Variants in GTF2F1 observed in about 807,000 individuals in gnomAD.
The protein encoded by GTF2F1 is general transcription factor IIF subunit 1, also known as general transcription factor IIF 74 kDa subunit.
Under a neutral mutation model 63.5 loss-of-function variants are expected in GTF2F1, and 39 were observed. The ratio of observed to expected loss-of-function variants is 0.61; its 90% CI spans 0.48 to 0.80. The LOEUF (loss-of-function observed/expected upper bound fraction) is 0.80, where lower values mean the gene tolerates loss of function less well. GTF2F1 is among the 30% of genes least tolerant of loss of function. The pLI is 0.00. For missense variants in GTF2F1, 657 were observed against 718.3 expected (o/e 0.91, Z 0.97); for synonymous variants, 287 against 285.3 (o/e 1.01, Z -0.06).
intron 4 of GTF2F1, 64 bp from the exon 5 acceptor site, chr19:6,387,623 CGGG>C (rs2091978911): frequency 7.4e-7 from 1 of 1,346,908 alleles, no homozygotes; most frequent in Non-Finnish European, 1.0e-6. Context: ...CGTGTCCCCC[CGGG>C]GCCTGCCTCC....
intron 3 of GTF2F1, chr19:6,390,437 C>T (rs1442100046): frequency 6.8e-6 from 1 of 146,034 alleles, no homozygotes; most frequent in African/African-American, 2.5e-5. Context: ...ATCCCAGCTA[C>T]TTGGGAGGCT....
Position 6,381,188 on chromosome 19 carries a change from G to T in GTF2F1, c.1026C>A (p.Ser342Arg). 6.2e-7 allele frequency: 1 copy of T among 1,607,796 alleles called. No homozygotes were observed. The highest frequency in any genetic ancestry group is 8.5e-7 in the Non-Finnish European group (1 of 1,177,588). The part of the protein sequence containing the change: ...PQEKKRRKDS[S>R]EESDSSEESD... ...TCTCCTCTGAGCTGTCCGACTCCTC[G>T]CTGCTGTCTGCGGGGCACAGGAAAG... Residue 342 changes from serine to arginine, a missense_variant, in exon 10 of 13, where the codon AGC becomes AGA. Ser to Arg is a moderately radical substitution (Grantham distance 110). Coordinates refer to ENST00000394456, the MANE Select transcript of GTF2F1 (RefSeq NM_002096.3). This position sits in a 1 kb window ranked among gnomAD's most constrained non-coding sequence, Gnocchi z 4.1.
At chr19:6,392,749 T>A in intron 2 of GTF2F1, 108 bp downstream of exon 2, 1 of 1,094,234 alleles carries the variant, frequency 9.1e-7, no homozygotes, top group African/African-American at 1.5e-5. Context: ...TCTCTCCCGG[T>A]CTGGAGGGAG....
In GTF2F1 at chr19:6,380,816, T is replaced by A. The variant is rs2091944258; in HGVS notation, c.1231+88A>T. The A allele has an allele frequency of 1.3e-6, 2 of 1,502,328 alleles. No individual in the cohort carries two copies. Among genetic ancestry groups the A allele is most frequent in the Non-Finnish European group, 1.8e-6 (2 of 1,119,796 alleles). 93.1% of individuals were successfully genotyped at this position (1,502,328 alleles called of 1,614,324 possible). A position where few individuals can be genotyped will look rare whatever the true frequency, so the allele number is the denominator to read the frequency against. ...AGGGAGAGACAGGCCTCCACCCGCA[T>A]CTCCATCCCCTCTCTGTCCTGAGCC... is the stretch of plus-strand genomic sequence containing the variant. On this transcript the variant is annotated intron_variant, in intron 11 of 12. Transcript: ENST00000394456. The surrounding 1 kb of genome is among the most constrained non-coding windows in gnomAD (Gnocchi z 5.3).
In GTF2F1 at chr19:6,387,339, G is replaced by A. The variant is rs1055431073; in HGVS notation, c.497+50C>T. The A allele has an allele frequency of 3.8e-6, 6 of 1,560,962 alleles. No homozygotes were observed. The African/African-American group carries it at 8.1e-5, about 21-fold the overall frequency. ...GGCCTGGTGATATATCCATGGCAAGGCACCCCATTTCCCTCACTTCTGTCC... is the reference window on the plus strand; with the variant it reads ...GGCCTGGTGATATATCCATGGCAAGACACCCCATTTCCCTCACTTCTGTCC... On this transcript the variant is annotated intron_variant, in intron 5 of 12. Coordinates refer to ENST00000394456, the MANE Select transcript of GTF2F1 (RefSeq NM_002096.3).
chr19:6,391,138 C>T (rs1034651842), intron 3 of GTF2F1, among the ~76,000 whole-genome samples: 1 of 152,158 alleles, frequency 6.6e-6, no homozygotes, highest in African/African-American at 2.4e-5. Context: ...CCTTGGTCTC[C>T]GTTTATTTGC....
intron 2 of GTF2F1, 27 bp downstream of exon 2, chr19:6,392,830 G>T (rs772346559): frequency 1.1e-5 from 18 of 1,603,874 alleles, no homozygotes; most frequent in Middle Eastern, 1.6e-4. Flanking sequence ...GGGTGGAGAG[G>T]AGTGGGAGAT....
chr19:6,380,748 G>A lies in GTF2F1; in HGVS notation c.1232-58C>T. On this transcript the variant is annotated intron_variant, in intron 11 of 12. Coordinates refer to ENST00000394456, the MANE Select transcript of GTF2F1 (RefSeq NM_002096.3). The surrounding 1 kb of genome is among the most constrained non-coding windows in gnomAD (Gnocchi z 5.3). ...GGCAGGAGGCAGAACCCCTGGGCAG[G>A]ACCCCAGGCTGGGCAGTGCCAGGAT... 2 of 1,573,316 alleles carry A rather than the reference G, an allele frequency of 1.3e-6. No homozygotes were observed. The highest frequency in any genetic ancestry group is 1.7e-6 in the Non-Finnish European group (2 of 1,154,896).
intron 3 of GTF2F1, among the ~76,000 whole-genome samples, chr19:6,391,682 G>C (rs1456608945): frequency 6.6e-6 from 1 of 151,930 alleles, no homozygotes; most frequent in African/African-American, 2.4e-5. Context: ...CAAACTCCTG[G>C]CCTTAAGCAA....
In GTF2F1 at chr19:6,383,240, T is replaced by C. The variant is rs1032940568; in HGVS notation, c.682+71A>G. The C allele has an allele frequency of 4.0e-5, 60 of 1,501,634 alleles. No homozygotes were observed. The highest frequency in any genetic ancestry group is 5.0e-5 in the Non-Finnish European group (54 of 1,090,608). 93.0% of individuals were successfully genotyped at this position (1,501,634 alleles called of 1,614,324 possible). ...ATTCTAGGGCCACTGTGAGCGATGG[T>C]AGACTTTGCCTTCACTGGCACTGCC... On this transcript the variant is annotated intron_variant, in intron 6 of 12. Coordinates refer to ENST00000394456, the MANE Select transcript of GTF2F1 (RefSeq NM_002096.3). The surrounding 1 kb of genome is among the most constrained non-coding windows in gnomAD (Gnocchi z 4.5).
At chr19:6,391,356 C>G (rs185962547) in intron 3 of GTF2F1, among the ~76,000 whole-genome samples, 1 of 151,982 alleles carries the variant, frequency 6.6e-6, no homozygotes, top group Admixed American at 6.6e-5. Flanking sequence ...AAATGTTCTC[C>G]TTTAAGGAGA....
Position 6,383,582 on chromosome 19 carries a change from C to A in GTF2F1, c.498-87G>T. The stretch of plus-strand genomic sequence containing the variant: ...AGGGGGCGAGCCCCAGGGCACCACC[C>A]ACATAGCCTTCAAGGTGATGTGGCC... On this transcript the variant is annotated intron_variant, in intron 5 of 12. Coordinates refer to ENST00000394456, the MANE Select transcript of GTF2F1 (RefSeq NM_002096.3). This position sits in a 1 kb window ranked among gnomAD's most constrained non-coding sequence, Gnocchi z 4.5. 1 of 1,417,274 alleles carries A rather than the reference C, an allele frequency of 7.1e-7. No individual in the cohort carries two copies. Among genetic ancestry groups the A allele is most frequent in the Non-Finnish European group, 9.7e-7 (1 of 1,025,748 alleles). The allele number at this position is 1,417,274 out of a possible 1,614,324, so 87.8% of individuals were successfully genotyped here. A position where few individuals can be genotyped will look rare whatever the true frequency, so the allele number is the denominator to read the frequency against.
In GTF2F1 at chr19:6,381,952, G is replaced by C; in HGVS notation, c.683-102C>G. 7.1e-6 allele frequency: 7 copies of C among 982,360 alleles called. No homozygotes were observed. The Admixed American group carries it at 1.4e-4, about 19-fold the overall frequency. 60.9% of individuals were successfully genotyped at this position (982,360 alleles called of 1,614,324 possible). ...TTGTGCAGTTTTGACATCCTGGGGG[G>C]CCTCACTGACTGGGGAGACTACACC... On this transcript the variant is annotated intron_variant, in intron 6 of 12. Coordinates refer to ENST00000394456, the MANE Select transcript of GTF2F1 (RefSeq NM_002096.3). This position sits in a 1 kb window ranked among gnomAD's most constrained non-coding sequence, Gnocchi z 4.1.
At chr19:6,390,257 GA>G (rs1033701177) in intron 3 of GTF2F1, 3 of 149,114 alleles carry the variant, frequency 2.0e-5, no homozygotes, top group Admixed American at 6.7e-5. Context: ...TCTGTCTTAA[GA>G]AAAAAAAGGC....
rs368899356 is a variant in GTF2F1 at position 6,392,906 on chromosome 19, G to A, written c.13-3C>T. On this transcript the variant is annotated splice_region_variant and splice_polypyrimidine_tract_variant and intron_variant, in intron 1 of 12. Coordinates refer to ENST00000394456, the MANE Select transcript of GTF2F1 (RefSeq NM_002096.3). Reference sequence around the variant, plus strand: ...GTGACATTCTGGCTGCTAGGGCCCTGCGGAAAGAGGAAGCGGTGAGTGAGG... The same window carrying A: ...GTGACATTCTGGCTGCTAGGGCCCTACGGAAAGAGGAAGCGGTGAGTGAGG... 6.2e-7 allele frequency: 1 copy of A among 1,614,180 alleles called. No individual in the cohort carries two copies. Among genetic ancestry groups the A allele is most frequent in the South Asian group, 1.1e-5 (1 of 91,086 alleles).
intron 5 of GTF2F1, among the ~76,000 whole-genome samples, chr19:6,385,948 C>T (rs866441682): frequency 6.6e-6 from 1 of 152,132 alleles, no homozygotes; most frequent in South Asian, 2.1e-4. Context: ...TGGTGGCAGG[C>T]GCCTGTAGTC....
Position 6,383,054 on chromosome 19 carries a change from A to T in GTF2F1, c.682+257T>A, listed in dbSNP as rs1055975737. ...GTAGCTGGCACTAGAGGCATGCACC[A>T]CCATGCCCAGCTAATTTTTGTGTTT... On this transcript the variant is annotated intron_variant, in intron 6 of 12. Transcript: ENST00000394456. The surrounding 1 kb of genome is among the most constrained non-coding windows in gnomAD (Gnocchi z 4.5). 6.6e-6 allele frequency among the ~76,000 whole-genome samples: 1 copy of T among 152,080 alleles called. No individual in the cohort carries two copies.
chr19:6,391,125 C>T (rs2091995354), intron 3 of GTF2F1, among the ~76,000 whole-genome samples: 1 of 152,232 alleles, frequency 6.6e-6, no homozygotes, highest in Admixed American at 6.5e-5. Context: ...CCAGTTGCTT[C>T]TACCTTGGTC....
chr19:6,390,919 A>G (rs976283340), intron 3 of GTF2F1, among the ~76,000 whole-genome samples: 1 of 152,146 alleles, frequency 6.6e-6, no homozygotes, highest in Non-Finnish European at 1.5e-5. Context: ...TCATTGTGCA[A>G]CACTTGCTGA....
Sources: gnomAD v4.1 joint callset for allele counts (sites outside exome capture counted in the v4.1 genomes callset) on GRCh38, gnomAD v4.1.1 for gene constraint, Gnocchi (gnomAD v3.1) non-coding constraint, MANE v1.5 for transcripts, NCBI Gene and HGNC (gene_info 2026-07-23, HGNC 2026-07-21) for gene names.